The following BRSK2 variants were observed in gnomAD, a reference collection of about 807,000 sequenced individuals.
The protein encoded by BRSK2 is serine/threonine-protein kinase BRSK2.
Under a neutral mutation model 83.3 loss-of-function variants are expected in BRSK2, and 19 were observed. That is an observed-to-expected ratio of 0.23 (90% confidence interval 0.16 to 0.33). The LOEUF (loss-of-function observed/expected upper bound fraction) is 0.33, where lower values mean the gene tolerates loss of function less well. Among genes scored for constraint, BRSK2 ranks in the 10% least tolerant of loss-of-function variants. The pLI is 1.00. For missense variants in BRSK2, 798 were observed against 1,042.3 expected, an observed-to-expected ratio of 0.77 and a Z score of 3.23; for synonymous variants, 519 against 435.4, an observed-to-expected ratio of 1.19 and a Z score of -2.39.
At chr11:1,459,166 C>T (rs767717558) in intron 18 of BRSK2, 26 bp from the exon 19 acceptor site, 37 of 1,612,586 alleles carry the variant, frequency 2.3e-5, no homozygotes, top group Admixed American at 1.5e-4. Flanking sequence ...TCACTCCCTC[C>T]CTCCTCTCTC....
chr11:1,454,658 C>G lies in BRSK2; in HGVS notation c.1668+50C>G, dbSNP rs369648950. ...GGCGGGCAGCCCTCCCAACCCCACA[C>G]GGCCCAGCCCCGAGAATCCAGCCTC... On this transcript the variant is annotated intron_variant, in intron 16 of 19. Transcript: ENST00000528841. The surrounding 1 kb of genome is among the most constrained non-coding windows in gnomAD (Gnocchi z 5.2). 1.9e-6 allele frequency: 3 copies of G among 1,601,828 alleles called. No individual in the cohort carries two copies. Among genetic ancestry groups the G allele is most frequent in the South Asian group, 2.2e-5 (2 of 90,530 alleles).
intron 1 of BRSK2, among the ~76,000 whole-genome samples, chr11:1,420,267 G>A (rs1319208557): frequency 6.6e-6 from 1 of 152,226 alleles, no homozygotes; most frequent in Non-Finnish European, 1.5e-5. Flanking sequence ...TCTGCTGGGT[G>A]TGACCCCAAC....
chr11:1,457,708 G>A (rs551605075), intron 18 of BRSK2, among the ~76,000 whole-genome samples: 5 of 152,124 alleles, frequency 3.3e-5, no homozygotes, highest in Non-Finnish European at 5.9e-5. Context: ...GTCACCTCCT[G>A]TGTTTCCATG....
At chr11:1,452,171 G>A (rs1466034641) in intron 15 of BRSK2, among the ~76,000 whole-genome samples, 1 of 152,144 alleles carries the variant, frequency 6.6e-6, no homozygotes, top group Non-Finnish European at 1.5e-5. Context: ...TGTGGACTGA[G>A]TAAGACGAGA....
chr11:1,434,240 C>G (rs573202409), intron 1 of BRSK2, among the ~76,000 whole-genome samples: 5 of 152,192 alleles, frequency 3.3e-5, no homozygotes, highest in East Asian at 1.9e-4. Context: ...GAGCACAGCG[C>G]GTGCACGGAA....
At chr11:1,428,303 A>AGGACGTGGGCAGGATCTAT (rs1849490430) in intron 1 of BRSK2, among the ~76,000 whole-genome samples, 1 of 152,200 alleles carries the variant, frequency 6.6e-6, no homozygotes, top group Non-Finnish European at 1.5e-5. Context: ...TCCAGCCTCA[A>AGGACGTGGGCAGGATCTAT]GGACGTGGGC....
rs372347230 is a variant in BRSK2, at chr11:1,450,545, G to A, written c.1288-42G>A. ...GCGGGTGCCCCCCCGGCCCCCACCC[G>A]CCGGGATTGAACCAAACACCAAATC... On this transcript the variant is annotated intron_variant, in intron 13 of 19. Coordinates refer to ENST00000528841, the MANE Select transcript of BRSK2 (RefSeq NM_001256627.2). The A allele has an allele frequency of 9.7e-5, 110 of 1,135,318 alleles. 2 individuals carry two copies. Among genetic ancestry groups the A allele is most frequent in the Middle Eastern group, 2.0e-4 (1 of 5,038 alleles). The allele number at this position is 1,135,318 out of a possible 1,614,324, so 70.3% of individuals were successfully genotyped here.
At chr11:1,411,788 C>T (rs899572147) in intron 1 of BRSK2, among the ~76,000 whole-genome samples, 7 of 152,200 alleles carry the variant, frequency 4.6e-5, no homozygotes, top group African/African-American at 1.2e-4. Context: ...CCTACGCTGG[C>T]GCTGCCTGCC....
chr11:1,457,179 C>T (rs993824652), intron 18 of BRSK2: 33 of 841,008 alleles, frequency 3.9e-5, no homozygotes, highest in South Asian at 2.2e-4. Flanking sequence ...AAGCATGCCC[C>T]GGGCGGCCCA....
At chr11:1,421,966 G>A (rs972520883) in intron 1 of BRSK2, among the ~76,000 whole-genome samples, 2 of 152,058 alleles carry the variant, frequency 1.3e-5, no homozygotes, top group Admixed American at 1.3e-4. Context: ...GGGCAGGTGG[G>A]GGTGGGGTCG....
In BRSK2 at chr11:1,401,684, G is replaced by T. The variant is rs191009699; in HGVS notation, c.91+11309G>T. Among the ~76,000 whole-genome samples, 1,079 of 152,354 alleles carry T rather than the reference G, an allele frequency of 7.1e-3. 21 individuals are homozygous for T. The highest frequency in any genetic ancestry group is 5.6e-3 in the Non-Finnish European group (381 of 68,026). On this transcript the variant is annotated intron_variant, in intron 1 of 19. Transcript: ENST00000528841. ...GCCCCTGCTCTGCTGCGTCGTGCCA[G>T]AGCGGACTGTGGGGACACAGCAGGG...
At chr11:1,452,333 C>T (rs1435927667) in intron 15 of BRSK2, among the ~76,000 whole-genome samples, 1 of 152,202 alleles carries the variant, frequency 6.6e-6, no homozygotes, top group Non-Finnish European at 1.5e-5. Context: ...GTGCCCAGGT[C>T]GGAGGTGTGT....
rs1365470197 is a variant in BRSK2, at chr11:1,390,981, GAGAGGCC to G, written c.91+608_91+614del. 2.0e-5 allele frequency among the ~76,000 whole-genome samples: 3 copies of G among 152,186 alleles called. No homozygotes were observed. The highest frequency in any genetic ancestry group is 1.3e-4 in the Admixed American group (2 of 15,290). On this transcript the variant is annotated intron_variant, in intron 1 of 19. Coordinates refer to ENST00000528841, the MANE Select transcript of BRSK2 (RefSeq NM_001256627.2). The surrounding 1 kb of genome is among the most constrained non-coding windows in gnomAD (Gnocchi z 6.8). Reference sequence around the variant, plus strand: ...GTGACCTGCATTCCCACGGGGCAGGGAGAGGCCATTGGTGCTGGGACCAGAAGTGCGT... The same window carrying G: ...GTGACCTGCATTCCCACGGGGCAGGGATTGGTGCTGGGACCAGAAGTGCGT...
chr11:1,456,302 T>TGGGACCTGCCAGGCC, intron 16 of BRSK2, 46 bp from the exon 17 acceptor site: 1 of 1,502,292 alleles, frequency 6.7e-7, no homozygotes, highest in Non-Finnish European at 8.9e-7. Context: ...AGGGCCAGGG[T>TGGGACCTGCCAGGCC]GGGACCTGCC....
intron 8 of BRSK2, among the ~76,000 whole-genome samples, chr11:1,444,506 G>A (rs553100794): frequency 1.3e-5 from 2 of 152,120 alleles, no homozygotes; most frequent in South Asian, 2.1e-4. Flanking sequence ...GCCCTGCCCC[G>A]CCGCACAGGT....
chr11:1,445,117 G>A, intron 9 of BRSK2, 115 bp downstream of exon 9: 4 of 1,496,066 alleles, frequency 2.7e-6, no homozygotes, highest in Non-Finnish European at 2.8e-6. Flanking sequence ...GCCCTGCCTT[G>A]GCCCTCCGTG....
chr11:1,448,271 C>T lies in BRSK2; in HGVS notation c.1227-1505C>T, dbSNP rs569978051. Reference sequence around the variant, plus strand: ...AGGAGCTGAGGAGGGCAGGAGGCGCCGCCGTCAAGAGGGGCCTCTACCTGG... The same window carrying T: ...AGGAGCTGAGGAGGGCAGGAGGCGCTGCCGTCAAGAGGGGCCTCTACCTGG... On this transcript the variant is annotated intron_variant, in intron 12 of 19. Transcript: ENST00000528841. 1.2e-3 allele frequency among the ~76,000 whole-genome samples: 186 copies of T among 152,296 alleles called. 3 individuals carry two copies. Among genetic ancestry groups the T allele is most frequent in the African/African-American group, 4.3e-3 (180 of 41,566 alleles).
rs191311523 is a variant in BRSK2, at chr11:1,408,283, G to A, written c.91+17908G>A. On this transcript the variant is annotated intron_variant, in intron 1 of 19. Transcript: ENST00000528841. ...CAGTCCTCTGCAGTCCCACACTCAT[G>A]CCCCAGGAATCCATCCAGCTCCTGC... 2.0e-3 allele frequency among the ~76,000 whole-genome samples: 312 copies of A among 152,326 alleles called. 2 individuals carry two copies. Among genetic ancestry groups the A allele is most frequent in the African/African-American group, 7.3e-3 (304 of 41,582 alleles).
chr11:1,426,396 AAAG>A (rs1490399118), intron 1 of BRSK2, among the ~76,000 whole-genome samples: 1 of 152,030 alleles, frequency 6.6e-6, no homozygotes, highest in Non-Finnish European at 1.5e-5. Flanking sequence ...CCTCCAGGGG[AAAG>A]AAGAGGCTTG....
Sources: allele counts gnomAD v4.1 joint callset (sites outside exome capture counted in the v4.1 genomes callset), GRCh38; gene constraint gnomAD v4.1.1; non-coding constraint Gnocchi (gnomAD v3.1); transcripts MANE v1.5; gene names NCBI Gene and HGNC (gene_info 2026-07-23, HGNC 2026-07-21).